Variants in MYO16 observed in about 807,000 individuals in gnomAD.
MYO16 encodes the protein unconventional myosin-XVI.
In MYO16, 94 loss-of-function variants were observed where a neutral mutation model predicts 205.3. The observed-to-expected ratio is 0.46, with a 90% CI of 0.39 to 0.54. MYO16 has a LOEUF of 0.54. MYO16 is among the 20% of genes least tolerant of loss of function. MYO16 has a pLI of 0.00. For synonymous variants in MYO16, 988 were observed against 954.0 expected (o/e 1.04, Z -0.66); for missense variants, 2,315 against 2,387.5 (o/e 0.97, Z 0.63).
intron 34 of MYO16, 147 bp downstream of exon 34, chr13:109,179,780 G>T: frequency 1.7e-6 from 1 of 573,946 alleles, no homozygotes. Flanking sequence ...TCAGCTGAAT[G>T]GTCTTCTCTC....
At chr13:108,908,987 AAAATAAAT>A (rs1331629581) in intron 15 of MYO16, among the ~76,000 whole-genome samples, 10 of 148,918 alleles carry the variant, frequency 6.7e-5, no homozygotes, top group South Asian at 2.1e-4. Flanking sequence ...AAAATAAAAT[AAAATAAAT>A]AAATAAATAA....
chr13:109,191,961 G>A (rs1008738337), intron 34 of MYO16, among the ~76,000 whole-genome samples: 1 of 152,290 alleles, frequency 6.6e-6, no homozygotes, highest in East Asian at 1.9e-4. Flanking sequence ...GAGTTGGAGA[G>A]AGACTCCAGG....
At chr13:109,161,069 C>G (rs1337997801) in intron 32 of MYO16, among the ~76,000 whole-genome samples, 1 of 152,134 alleles carries the variant, frequency 6.6e-6, no homozygotes, top group African/African-American at 2.4e-5. Context: ...TTGGATCTAA[C>G]TGGGAGAAGG....
At chr13:108,569,242 C>T in the MYO16 span, among the ~76,000 whole-genome samples, 161 of 152,192 alleles carry the variant, frequency 1.1e-3, no homozygotes, top group African/African-American at 3.6e-3. Flanking sequence ...GTTTGTAAAT[C>T]AATCTGAAGA....
intron 34 of MYO16, among the ~76,000 whole-genome samples, chr13:109,185,078 A>G (rs1879628636): frequency 6.6e-6 from 1 of 152,140 alleles, no homozygotes; most frequent in Non-Finnish European, 1.5e-5. Flanking sequence ...CTGTGACTAC[A>G]TTTTTAAAGA....
At chr13:109,073,315 G>C (rs1429854684) in intron 27 of MYO16, among the ~76,000 whole-genome samples, 3 of 149,966 alleles carry the variant, frequency 2.0e-5, no homozygotes, top group Non-Finnish European at 4.4e-5. Context: ...GTTTCACCAT[G>C]TTGGCCAGGT....
At chr13:108,820,189 C>A in intron 7 of MYO16, 148 bp from the exon 8 acceptor site, 1 of 545,338 alleles carries the variant, frequency 1.8e-6, no homozygotes, top group South Asian at 2.7e-5. Context: ...AGAAAAGGCA[C>A]TGGGAAAGGG....
At chr13:108,636,369 TTGTG>T (rs71125327) in intron 1 of MYO16, among the ~76,000 whole-genome samples, 7 of 51,366 alleles carry the variant, frequency 1.4e-4, no homozygotes, top group South Asian at 5.2e-4. Flanking sequence ...TTTTTTTTTT[TTGTG>T]TGTGTGTGTG....
rs111381804 is a variant in MYO16, at chr13:109,064,100, T to C, written c.3335+8505T>C. 3.6e-3 allele frequency among the ~76,000 whole-genome samples: 554 copies of C among 152,338 alleles called. 4 individuals are homozygous for C. Among genetic ancestry groups the C allele is most frequent in the African/African-American group, 0.012 (501 of 41,594 alleles). On this transcript the variant is annotated intron_variant, in intron 27 of 34. Coordinates refer to ENST00000457511, the MANE Select transcript of MYO16 (RefSeq NM_001198950.3). ...GACAGCCACTGAGCCAAATCTGGCCTGCCATCTGCTTTCATGTGGCCTGAG... is the reference window on the plus strand; with the variant it reads ...GACAGCCACTGAGCCAAATCTGGCCCGCCATCTGCTTTCATGTGGCCTGAG...
chr13:108,984,840 CT>C (rs1175312641), intron 20 of MYO16, among the ~76,000 whole-genome samples: 2 of 152,120 alleles, frequency 1.3e-5, no homozygotes, highest in Non-Finnish European at 2.9e-5. Flanking sequence ...TGCGTGGATC[CT>C]TTTGTGGCAT....
At chr13:108,736,487 G>A (rs549209910) in intron 4 of MYO16, among the ~76,000 whole-genome samples, 108 of 151,244 alleles carry the variant, frequency 7.1e-4, no homozygotes, top group African/African-American at 2.1e-3. Flanking sequence ...GCCTCTGTTC[G>A]TTCCATTGGT....
At chr13:109,028,326 T>A (rs1211824671) in intron 23 of MYO16, 3 of 242,798 alleles carry the variant, frequency 1.2e-5, no homozygotes, top group Non-Finnish European at 2.5e-5. Flanking sequence ...AAAATTGAGA[T>A]ATTTCTCAAC....
chr13:108,886,805 C>CT (rs1879921311), intron 13 of MYO16, among the ~76,000 whole-genome samples: 1 of 152,092 alleles, frequency 6.6e-6, no homozygotes, highest in Non-Finnish European at 1.5e-5. Flanking sequence ...GACTGTCTGC[C>CT]TGAAGCAAGC....
intron 30 of MYO16, among the ~76,000 whole-genome samples, chr13:109,126,056 G>A (rs1006689000): frequency 1.6e-4 from 24 of 152,270 alleles, no homozygotes; most frequent in African/African-American, 2.4e-4. Flanking sequence ...TTAATTCATC[G>A]TCAGGGAGAT....
chr13:108,549,505 T>C, the MYO16 span, among the ~76,000 whole-genome samples: 3 of 152,140 alleles, frequency 2.0e-5, no homozygotes, highest in Admixed American at 6.5e-5. Context: ...AGGCACTGTT[T>C]GTGATAATTT....
At chr13:108,904,648 GGTTTTT>G (rs1880873613) in intron 15 of MYO16, among the ~76,000 whole-genome samples, 1 of 151,946 alleles carries the variant, frequency 6.6e-6, no homozygotes, top group South Asian at 2.1e-4. Context: ...AGGGCTATAC[GGTTTTT>G]GTTCATTATG....
intron 1 of MYO16, among the ~76,000 whole-genome samples, chr13:108,608,986 A>C (rs1879068742): frequency 2.6e-5 from 4 of 152,136 alleles, no homozygotes; most frequent in Admixed American, 2.6e-4. Flanking sequence ...AATGTAAAAA[A>C]ATTTTTTAAT....
chr13:108,572,828 T>C, the MYO16 span, among the ~76,000 whole-genome samples: 2 of 152,082 alleles, frequency 1.3e-5, no homozygotes, highest in African/African-American at 4.8e-5. Flanking sequence ...AATAGTGGTT[T>C]TGTTAACAAG....
intron 2 of MYO16, among the ~76,000 whole-genome samples, chr13:108,681,058 CT>C (rs1412143986): frequency 6.6e-6 from 1 of 152,192 alleles, no homozygotes. Flanking sequence ...AAAATTTCCT[CT>C]TGCATTTTTA....
Sources: allele counts gnomAD v4.1 joint callset (sites outside exome capture counted in the v4.1 genomes callset), GRCh38; gene constraint gnomAD v4.1.1; transcripts MANE v1.5; gene names NCBI Gene and HGNC (gene_info 2026-07-23, HGNC 2026-07-21).